OR51B5: variants seen among roughly 807,000 people sequenced by gnomAD.
The protein encoded by OR51B5 is olfactory receptor family 51 subfamily B member 5, also known as olfactory receptor 51B5.
For missense variants in OR51B5, 456 were observed against 374.6 expected (o/e 1.22, Z -1.79); for synonymous variants, 186 against 144.8 (o/e 1.28, Z -2.04).
chr11:5,371,981 A>G (rs1354373118), intron 1 of OR51B5, among the ~76,000 whole-genome samples: 1 of 152,134 alleles, frequency 6.6e-6, no homozygotes, highest in African/African-American at 2.4e-5. Flanking sequence ...TCCACATATA[A>G]GTAATATCAT....
intron 1 of OR51B5, among the ~76,000 whole-genome samples, chr11:5,502,812 G>A (rs1846315499): frequency 6.6e-6 from 1 of 152,200 alleles, no homozygotes; most frequent in Non-Finnish European, 1.5e-5. Context: ...ACAGTGCCTA[G>A]TTTTCCGTGA....
chr11:5,473,869 G>A (rs1851266066), intron 1 of OR51B5, among the ~76,000 whole-genome samples: 1 of 151,918 alleles, frequency 6.6e-6, no homozygotes, highest in African/African-American at 2.4e-5. Context: ...GTGTGTGTGT[G>A]TGTGTGTGTG....
At position 5,436,146 on chromosome 11, in the gene OR51B5, A is replaced by G. The variant is rs937207066; in HGVS notation, n.84+69423T>C. On this transcript the variant is annotated intron_variant and non_coding_transcript_variant, in intron 1 of 4. Coordinates refer to the OR51B5 transcript ENST00000415970. Reference sequence around the variant, plus strand: ...TAAAGGGAATTAAGTCACATTAAGGACACTGAAGGAATGAGTGATGCTTCA... The same window carrying G: ...TAAAGGGAATTAAGTCACATTAAGGGCACTGAAGGAATGAGTGATGCTTCA... Among the ~76,000 whole-genome samples, 28 of 152,200 alleles carry G rather than the reference A, an allele frequency of 1.8e-4. 1 individual carries two copies. Among genetic ancestry groups the G allele is most frequent in the Non-Finnish European group, 1.5e-5 (1 of 68,030 alleles).
intron 1 of OR51B5, among the ~76,000 whole-genome samples, chr11:5,432,231 C>T (rs1339361571): frequency 6.6e-6 from 1 of 152,174 alleles, no homozygotes; most frequent in Non-Finnish European, 1.5e-5. Flanking sequence ...TACATGATAT[C>T]AACTTTTTTA....
intron 1 of OR51B5, among the ~76,000 whole-genome samples, chr11:5,424,331 A>G (rs1850408016): frequency 6.6e-6 from 1 of 152,060 alleles, no homozygotes. Context: ...GAAAAGAGAA[A>G]AGGGAAAACA....
intron 1 of OR51B5, among the ~76,000 whole-genome samples, chr11:5,372,867 A>T (rs921526654): frequency 3.3e-5 from 5 of 152,230 alleles, no homozygotes; most frequent in Non-Finnish European, 7.3e-5. Context: ...TGGCCAAAAC[A>T]ATCTTGAGAA....
chr11:5,476,830 A>G (rs1284474691), intron 1 of OR51B5, among the ~76,000 whole-genome samples: 1 of 152,230 alleles, frequency 6.6e-6, no homozygotes, highest in Non-Finnish European at 1.5e-5. Flanking sequence ...TAGCTTGCTG[A>G]TATGTTACAG....
chr11:5,441,915 G>A (rs10742678), intron 1 of OR51B5, among the ~76,000 whole-genome samples: 101,951 of 152,020 alleles, frequency 0.67, 36,483 homozygotes, highest in Non-Finnish European at 0.8. Context: ...ATAACCTGTA[G>A]CTCAGACTTC....
chr11:5,349,281 C>T (rs1454537603), intron 1 of OR51B5, among the ~76,000 whole-genome samples: 4 of 150,834 alleles, frequency 2.7e-5, no homozygotes, highest in East Asian at 1.9e-4. Flanking sequence ...AGGATTCTTC[C>T]CAAAAAATGA....
chr11:5,396,973 A>G (rs2133736712), intron 1 of OR51B5, among the ~76,000 whole-genome samples: 1 of 152,360 alleles, frequency 6.6e-6, no homozygotes, highest in Admixed American at 6.5e-5. Context: ...CTGTTTAATA[A>G]ATGGTGCTGG....
chr11:5,452,448 T>C (rs1217321487), intron 1 of OR51B5, among the ~76,000 whole-genome samples: 1 of 131,362 alleles, frequency 7.6e-6, no homozygotes, highest in Non-Finnish European at 1.5e-5. Context: ...GGAGTTGCAG[T>C]GAGCCGAGAT....
chr11:5,462,617 G>C (rs1328886556), intron 1 of OR51B5, among the ~76,000 whole-genome samples: 1 of 152,212 alleles, frequency 6.6e-6, no homozygotes, highest in East Asian at 1.9e-4. Context: ...GAGGCACAGA[G>C]TTTATCCTCT....
intron 1 of OR51B5, among the ~76,000 whole-genome samples, chr11:5,366,666 G>T (rs754425741): frequency 4.0e-5 from 6 of 150,798 alleles, no homozygotes; most frequent in African/African-American, 1.5e-4. Flanking sequence ...GGAAAGGAAG[G>T]AAGAGAAGAA....
intron 1 of OR51B5, chr11:5,385,432 C>A (rs1007993160): frequency 1.3e-5 from 2 of 152,134 alleles, no homozygotes; most frequent in African/African-American, 4.8e-5. Flanking sequence ...ACAACAGAAC[C>A]CCAGGCACAA....
Position 5,500,996 on chromosome 11 carries a change from G to A in OR51B5, n.84+4573C>T, listed in dbSNP as rs78990109. On this transcript the variant is annotated intron_variant and non_coding_transcript_variant, in intron 1 of 4. Transcript: ENST00000415970. Reference sequence around the variant, plus strand: ...TGACCCTTGATTGGCAAACTTGTCTGAATGGGAAGAAGTTATAATGAATCA... The same window carrying A: ...TGACCCTTGATTGGCAAACTTGTCTAAATGGGAAGAAGTTATAATGAATCA... Among the ~76,000 whole-genome samples the A allele has an allele frequency of 3.3e-3, 497 of 148,428 alleles. 20 individuals carry two copies. Among genetic ancestry groups the A allele is most frequent in the African/African-American group, 0.011 (474 of 41,302 alleles).
chr11:5,471,741 A>T (rs1851232941), intron 1 of OR51B5, among the ~76,000 whole-genome samples: 1 of 152,166 alleles, frequency 6.6e-6, no homozygotes, highest in Admixed American at 6.5e-5. Context: ...GTAAGTAAAA[A>T]TAGCTCCCCT....
chr11:5,475,232 G>C (rs1475780830), intron 1 of OR51B5, among the ~76,000 whole-genome samples: 4 of 152,180 alleles, frequency 2.6e-5, no homozygotes, highest in Admixed American at 2.6e-4. Context: ...CTTTCATCAT[G>C]CTATTTTCAT....
intron 1 of OR51B5, chr11:5,391,361 C>T (rs11037194): frequency 0.81 from 123,880 of 152,042 alleles, 50,878 homozygotes; most frequent in Middle Eastern, 0.85. Flanking sequence ...CTGCATTTCC[C>T]GTTGTAACAT....
chr11:5,505,264 T>A (rs1488902252), intron 1 of OR51B5: 3 of 1,249,678 alleles, frequency 2.4e-6, no homozygotes, highest in Non-Finnish European at 3.1e-6. Flanking sequence ...TTTGTTTTTT[T>A]CCTCAGACCT....
Sources: allele counts gnomAD v4.1 joint callset (sites outside exome capture counted in the v4.1 genomes callset), GRCh38; gene constraint gnomAD v4.1.1; transcripts MANE v1.5; gene names NCBI Gene and HGNC (gene_info 2026-07-23, HGNC 2026-07-21).